UNC93B1: variants seen among roughly 807,000 people sequenced by gnomAD.
The protein encoded by UNC93B1 is unc-93B1 regulator of TLR signaling, also known as protein unc-93 homolog B1.
A neutral mutation model predicts 56.8 loss-of-function variants in UNC93B1; 33 were observed. The observed-to-expected ratio is 0.58, with a 90% CI of 0.44 to 0.78. UNC93B1 has a LOEUF of 0.78. Among genes scored for constraint, UNC93B1 ranks in the 30% least tolerant of loss-of-function variants. The probability of loss-of-function intolerance (pLI) is 0.00; values close to 1 mark genes in which losing one functional copy is unlikely to be tolerated. For synonymous variants in UNC93B1, 334 were observed against 358.6 expected, an observed-to-expected ratio of 0.93 and a Z score of 0.77; for missense variants, 673 against 819.5, an observed-to-expected ratio of 0.82 and a Z score of 2.18.
At chr11:67,993,956 T>G (rs750554191) in intron 9 of UNC93B1, among the ~76,000 whole-genome samples, 162 bp from the exon 10 acceptor site, 22 of 152,330 alleles carry the variant, frequency 1.4e-4, no homozygotes, top group Admixed American at 2.6e-4. Context: ...TGCCCCCTGG[T>G]GGAGACCCTG....
intron 8 of UNC93B1, 81 bp downstream of exon 8, chr11:67,996,521 A>T: frequency 6.9e-6 from 10 of 1,454,942 alleles, no homozygotes; most frequent in Non-Finnish European, 9.1e-6. Flanking sequence ...TGTAATTAAA[A>T]ATTATTCTTT....
chr11:67,999,063 AAATAAC>A, intron 5 of UNC93B1, 104 bp downstream of exon 5: 1 of 1,501,114 alleles, frequency 6.7e-7, no homozygotes, highest in Non-Finnish European at 8.9e-7. Flanking sequence ...GGCCTCTTAA[AAATAAC>A]AATAATAAAA....
At chr11:67,995,588 C>T (rs1159873504) in intron 9 of UNC93B1, 23 bp downstream of exon 9, 10 of 670,032 alleles carry the variant, frequency 1.5e-5, no homozygotes, top group Middle Eastern at 5.5e-4. Context: ...CCCCCCCCCC[C>T]CAGTGCCCAC....
chr11:67,998,787 C>T (rs1332555525), intron 5 of UNC93B1, among the ~76,000 whole-genome samples: 2 of 152,118 alleles, frequency 1.3e-5, no homozygotes, highest in Non-Finnish European at 1.5e-5. Context: ...ATGCCAGCTA[C>T]TCAGAAGGCT....
rs1393488063 is a variant in UNC93B1, at chr11:67,991,395, C to G, written c.*151G>C. ...GGGGCTGCGGAAGCCCGGAGGTGAC[C>G]TGGGCTCTGGGAGGGGCGTCCCCAA... On this transcript the variant is annotated 3_prime_UTR_variant, in exon 11 of 11. Transcript: ENST00000227471. 2 of 773,572 alleles carry G rather than the reference C, an allele frequency of 2.6e-6. No individual in the cohort carries two copies. The highest frequency in any genetic ancestry group is 4.1e-5 in the Admixed American group (1 of 24,164). The allele number at this position is 773,572 out of a possible 1,614,324, so 47.9% of individuals were successfully genotyped here. A position where few individuals can be genotyped will look rare whatever the true frequency, so the allele number is the denominator to read the frequency against.
chr11:68,003,484 C>T lies in UNC93B1; in HGVS notation c.238+173G>A. 9.6e-7 allele frequency: 1 copy of T among 1,040,494 alleles called. No homozygotes were observed. Among genetic ancestry groups the T allele is most frequent in the Non-Finnish European group, 1.3e-6 (1 of 762,830 alleles). 64.5% of individuals were successfully genotyped at this position (1,040,494 alleles called of 1,614,324 possible). ...CGAGGCTCTGGCTGGGACCCGGGGA[C>T]GCTGCGCTACTTGACCCCCCAACCC... On this transcript the variant is annotated intron_variant, in intron 2 of 10. Transcript: ENST00000227471. This position sits in a 1 kb window ranked among gnomAD's most constrained non-coding sequence, Gnocchi z 4.4.
chr11:68,000,121 C>T (rs1857022571), intron 3 of UNC93B1, among the ~76,000 whole-genome samples: 1 of 152,210 alleles, frequency 6.6e-6, no homozygotes, highest in Non-Finnish European at 1.5e-5. Flanking sequence ...GGCACCCCTG[C>T]CTCCAGTCCA....
intron 3 of UNC93B1, 30 bp from the exon 4 acceptor site, chr11:67,999,710 A>G: frequency 6.2e-7 from 1 of 1,603,338 alleles, no homozygotes; most frequent in Admixed American, 1.7e-5. Flanking sequence ...TGCTGGCACC[A>G]CAGGCCTGCT....
chr11:67,998,052 G>A (rs928538065), intron 6 of UNC93B1, among the ~76,000 whole-genome samples: 3 of 152,230 alleles, frequency 2.0e-5, no homozygotes, highest in African/African-American at 7.2e-5. Context: ...AAGGCTCAGT[G>A]GACCTCACAT....
In UNC93B1 at chr11:67,999,319, G is replaced by T. The variant is rs1714900513; in HGVS notation, c.555-14C>A. 1 of 1,608,122 alleles carries T rather than the reference G, an allele frequency of 6.2e-7. No individual in the cohort carries two copies. Among genetic ancestry groups the T allele is most frequent in the African/African-American group, 1.3e-5 (1 of 74,922 alleles). On this transcript the variant is annotated splice_polypyrimidine_tract_variant and intron_variant, in intron 4 of 10. Coordinates refer to ENST00000227471, the MANE Select transcript of UNC93B1 (RefSeq NM_030930.4). ...TTCTGCGCCATCCTGGACCACAAAG[G>T]AGAGAAGGCTCTCCCCAGCCCGACC...
Position 67,991,734 on chromosome 11 carries a change from C to G in UNC93B1, c.1606G>C (p.Val536Leu), listed in dbSNP as rs1392665731. The G allele has an allele frequency of 2.0e-6, 3 of 1,537,942 alleles. No homozygotes were observed. Among genetic ancestry groups the G allele is most frequent in the Admixed American group, 1.9e-5 (1 of 51,592 alleles). ...QPRIPRPQHK[V>L]RGYRYLEEDN... is the part of the protein sequence containing the mutation. Reference sequence around the variant, plus strand: ...TCCTCCAAGTAGCGGTAACCGCGCACCTTGTGCTGGGGCCGCGGGATGCGG... The same window carrying G: ...TCCTCCAAGTAGCGGTAACCGCGCAGCTTGTGCTGGGGCCGCGGGATGCGG... Residue 536 changes from valine (V) to leucine (L), a missense_variant, in exon 11 of 11, where the codon GTG becomes CTG. Physicochemically the swap from Val to Leu is conservative, Grantham distance 32 (BLOSUM62 1). Around this residue, in one of 3 missense-constraint regions of UNC93B1, gnomAD observed 155 missense variants for 268.3 expected, o/e 0.58. Transcript: ENST00000227471.
Position 67,991,491 on chromosome 11 carries a change from G to C in UNC93B1, c.*55C>G. ...GGAGGGGGTCCCCCCGACCTCAGAC[G>C]TGGTAAACTGAGGCCGGCGAGGAGG... On this transcript the variant is annotated 3_prime_UTR_variant, in exon 11 of 11. Coordinates refer to ENST00000227471, the MANE Select transcript of UNC93B1 (RefSeq NM_030930.4). The C allele has an allele frequency of 7.3e-7, 1 of 1,365,604 alleles. No individual in the cohort carries two copies. Among genetic ancestry groups the C allele is most frequent in the Non-Finnish European group, 9.4e-7 (1 of 1,063,452 alleles). 84.6% of individuals were successfully genotyped at this position (1,365,604 alleles called of 1,614,324 possible). A position where few individuals can be genotyped will look rare whatever the true frequency, so the allele number is the denominator to read the frequency against.
Position 67,991,681 on chromosome 11 carries a change from C to G in UNC93B1, c.1659G>C (p.Glu553Asp). 1 of 1,530,514 alleles carries G rather than the reference C, an allele frequency of 6.5e-7. No homozygotes were observed. Among genetic ancestry groups the G allele is most frequent in the Non-Finnish European group, 8.7e-7 (1 of 1,145,370 alleles). 94.8% of individuals were successfully genotyped at this position (1,530,514 alleles called of 1,614,324 possible). ...EEDNSDESDA[E>D]GEHGDGAEEE... is the part of the protein sequence containing the mutation. ...CCTCCGCGCCGTCCCCATGCTCGCC[C>G]TCCGCGTCGCTCTCGTCCGAGTTGT... Residue 553 changes from glutamate to aspartate, a missense_variant, in exon 11 of 11, where the codon GAG becomes GAC. By Grantham distance (45) the Glu-to-Asp change is conservative. Transcript: ENST00000227471.
At chr11:68,000,202 T>G (rs1857023728) in intron 3 of UNC93B1, among the ~76,000 whole-genome samples, 2 of 152,120 alleles carry the variant, frequency 1.3e-5, no homozygotes, top group Admixed American at 1.3e-4. Flanking sequence ...GGTCACACAG[T>G]GACAATAGAA....
At position 67,991,775 on chromosome 11, in the gene UNC93B1, A is replaced by C. The variant is rs1233627367; in HGVS notation, c.1565T>G (p.Val522Gly). The change falls in exon 11 of 11, where the codon GTG (valine) becomes GGG (glycine). Residue 522 changes from valine (V) to glycine (G), a missense_variant. Physicochemically the swap from Val to Gly is moderately radical, Grantham distance 109 (BLOSUM62 -3). Around this residue, in one of 3 missense-constraint regions of UNC93B1, gnomAD observed 155 missense variants for 268.3 expected, o/e 0.58. Coordinates refer to ENST00000227471, the MANE Select transcript of UNC93B1 (RefSeq NM_030930.4). The stretch of plus-strand genomic sequence containing the variant: ...CGGGATGCGGGGCTGGCGCGGGGCC[A>C]CGCCCCGGCGCAGCTTCTGCTCCAT... ...LRMEQKLRRG[V>G]APRQPRIPRP... 1.9e-6 allele frequency: 3 copies of C among 1,539,710 alleles called. No individual in the cohort carries two copies. The highest frequency in any genetic ancestry group is 2.6e-6 in the Non-Finnish European group (3 of 1,150,400).
Position 67,997,536 on chromosome 11 carries a change from CGCTCCCAGGCCTACG to C in UNC93B1, c.906+124_906+138del. 5 of 1,427,456 alleles carry C rather than the reference CGCTCCCAGGCCTACG, an allele frequency of 3.5e-6. No individual in the cohort carries two copies. The South Asian group carries it at 6.7e-5, about 19-fold the overall frequency. The allele number at this position is 1,427,456 out of a possible 1,614,324, so 88.4% of individuals were successfully genotyped here. On this transcript the variant is annotated intron_variant, in intron 7 of 10. Coordinates refer to ENST00000227471, the MANE Select transcript of UNC93B1 (RefSeq NM_030930.4). ...GGCCCTAGCTCCCCAACTCAGATCG[CGCTCCCAGGCCTACG>C]GCCTGCCCCGAGGCCACAACCCGAC...
Position 68,001,209 on chromosome 11 carries a change from A to C in UNC93B1, c.393-1529T>G, listed in dbSNP as rs1376988545. On this transcript the variant is annotated intron_variant, in intron 3 of 10. Coordinates refer to ENST00000227471, the MANE Select transcript of UNC93B1 (RefSeq NM_030930.4). ...GACTCCATTTCAAAAAAAAAGTAAAAATAAAAATAAATAAATAAAATAGAG... is the reference window on the plus strand; with the variant it reads ...GACTCCATTTCAAAAAAAAAGTAAACATAAAAATAAATAAATAAAATAGAG... Among the ~76,000 whole-genome samples the C allele has an allele frequency of 3.3e-5, 5 of 152,122 alleles. No homozygotes were observed. The East Asian group carries it at 7.7e-4, about 23-fold the overall frequency.
At chr11:67,992,933 G>A (rs1380925061) in intron 10 of UNC93B1, among the ~76,000 whole-genome samples, 1 of 152,102 alleles carries the variant, frequency 6.6e-6, no homozygotes, top group Non-Finnish European at 1.5e-5. Context: ...AAAATGCTGG[G>A]ATTACAGGCG....
chr11:67,996,514 A>C, intron 8 of UNC93B1, 88 bp downstream of exon 8: 1 of 1,442,512 alleles, frequency 6.9e-7, no homozygotes, highest in Non-Finnish European at 9.2e-7. Flanking sequence ...TTACATATGT[A>C]ATTAAAAATT....
Sources: allele counts gnomAD v4.1 joint callset (sites outside exome capture counted in the v4.1 genomes callset), GRCh38; gene constraint gnomAD v4.1.1; regional missense constraint gnomAD v4.1.1; non-coding constraint Gnocchi (gnomAD v3.1); transcripts MANE v1.5; gene names NCBI Gene and HGNC (gene_info 2026-07-23, HGNC 2026-07-21).